The following AFG2A variants were observed in gnomAD, a reference collection of about 807,000 sequenced individuals.
The protein encoded by AFG2A is ATPase family gene 2 protein homolog A.
At chr4:123,189,755 G>T in the AFG2A span, among the ~76,000 whole-genome samples, 2 of 139,832 alleles carry the variant, frequency 1.4e-5, no homozygotes, top group African/African-American at 5.4e-5. Flanking sequence ...TAGATTAATT[G>T]TACTAGTTTA....
chr4:123,127,779 T>C, the AFG2A span, among the ~76,000 whole-genome samples: 1 of 152,158 alleles, frequency 6.6e-6, no homozygotes, highest in African/African-American at 2.4e-5. Flanking sequence ...AAAATGAGTT[T>C]TTATTAGAGG....
At chr4:122,935,706 T>A in the AFG2A span, 1 of 1,564,636 alleles carries the variant, frequency 6.4e-7, no homozygotes, top group Non-Finnish European at 8.6e-7. Context: ...TTCTACTTTT[T>A]CTTCCAGGAA....
At chr4:122,947,762 T>TG in the AFG2A span, among the ~76,000 whole-genome samples, 1 of 152,066 alleles carries the variant, frequency 6.6e-6, no homozygotes, top group South Asian at 2.1e-4. Context: ...GCTCAGCATC[T>TG]GAGGAGTCAA....
the AFG2A span, among the ~76,000 whole-genome samples, chr4:123,158,677 CAGAA>C: frequency 6.6e-6 from 1 of 152,020 alleles, no homozygotes. Context: ...AAAAAAAATA[CAGAA>C]AGAACATTTG....
At chr4:123,085,730 C>T in the AFG2A span, among the ~76,000 whole-genome samples, 12 of 152,028 alleles carry the variant, frequency 7.9e-5, no homozygotes, top group Admixed American at 2.6e-4. Context: ...TTAATATCTA[C>T]GATATTTGTT....
the AFG2A span, among the ~76,000 whole-genome samples, chr4:123,179,307 C>CT: frequency 4.0e-5 from 6 of 149,552 alleles, no homozygotes; most frequent in South Asian, 2.1e-4. Context: ...CTCACACATA[C>CT]TACTTACTTA....
At chr4:123,191,390 G>A in the AFG2A span, among the ~76,000 whole-genome samples, 5 of 149,010 alleles carry the variant, frequency 3.4e-5, no homozygotes, top group African/African-American at 7.4e-5. Flanking sequence ...CTACCTAGAC[G>A]CACAGTGGTT....
chr4:123,075,284 C>T, the AFG2A span, among the ~76,000 whole-genome samples: 1 of 152,062 alleles, frequency 6.6e-6, no homozygotes, highest in African/African-American at 2.4e-5. Flanking sequence ...CTGTAGCTTA[C>T]TTAATGCCTT....
chr4:123,076,904 T>C, the AFG2A span, among the ~76,000 whole-genome samples: 1 of 151,892 alleles, frequency 6.6e-6, no homozygotes, highest in Non-Finnish European at 1.5e-5. Flanking sequence ...TGTTTTCTCT[T>C]TGGTGCAGTT....
chr4:123,001,769 A>T, the AFG2A span, among the ~76,000 whole-genome samples: 2 of 152,200 alleles, frequency 1.3e-5, no homozygotes, highest in Non-Finnish European at 2.9e-5. Flanking sequence ...GCTGAGAAGA[A>T]TGTATATTCT....
the AFG2A span, among the ~76,000 whole-genome samples, chr4:123,079,743 T>G: frequency 1.2e-5 from 1 of 83,352 alleles, no homozygotes; most frequent in African/African-American, 3.9e-5. Context: ...TTTCTTTTCC[T>G]TCTTTTTTTT....
the AFG2A span, among the ~76,000 whole-genome samples, chr4:123,287,399 T>A: frequency 6.6e-6 from 1 of 152,086 alleles, no homozygotes; most frequent in African/African-American, 2.4e-5. Context: ...GGTTCTGAAG[T>A]TTGTGGGGGT....
At chr4:123,260,472 G>A in the AFG2A span, among the ~76,000 whole-genome samples, 3 of 152,124 alleles carry the variant, frequency 2.0e-5, no homozygotes, top group African/African-American at 7.2e-5. Flanking sequence ...CACTATGCTT[G>A]AGCTATTATA....
chr4:123,084,727 C>G, the AFG2A span, among the ~76,000 whole-genome samples: 2 of 151,866 alleles, frequency 1.3e-5, no homozygotes, highest in Non-Finnish European at 2.9e-5. Context: ...CTCCCTGGCT[C>G]GAGTGATCCT....
chr4:123,139,099 T>C, the AFG2A span, among the ~76,000 whole-genome samples: 1 of 152,130 alleles, frequency 6.6e-6, no homozygotes, highest in Non-Finnish European at 1.5e-5. Flanking sequence ...ATAGCTTTTC[T>C]TGAATGAGGA....
At chr4:123,101,220 T>G in the AFG2A span, among the ~76,000 whole-genome samples, 3 of 151,912 alleles carry the variant, frequency 2.0e-5, no homozygotes, top group Admixed American at 6.6e-5. Context: ...ATGGAGATAA[T>G]TAGGGGATGT....
At chr4:122,936,226 C>A in the AFG2A span, 1 of 1,178,308 alleles carries the variant, frequency 8.5e-7, no homozygotes, top group Non-Finnish European at 1.2e-6. Context: ...GATACTAGCA[C>A]CTTATACAAA....
At chr4:123,061,595 C>T in the AFG2A span, among the ~76,000 whole-genome samples, 2 of 152,182 alleles carry the variant, frequency 1.3e-5, no homozygotes, top group Admixed American at 1.3e-4. Context: ...TCGATTACCT[C>T]CACCTGGCCC....
the AFG2A span, among the ~76,000 whole-genome samples, chr4:123,209,332 C>A: frequency 6.6e-6 from 1 of 152,068 alleles, no homozygotes; most frequent in South Asian, 2.1e-4. Context: ...TGAATGATTA[C>A]TTGGTAGTAG....
Sources: gnomAD v4.1 joint callset for allele counts (sites outside exome capture counted in the v4.1 genomes callset) on GRCh38, gnomAD v4.1.1 for gene constraint, MANE v1.5 for transcripts, NCBI Gene and HGNC (gene_info 2026-07-23, HGNC 2026-07-21) for gene names.